KCNIP4: variants seen among roughly 807,000 people sequenced by gnomAD.
KCNIP4 encodes potassium voltage-gated channel interacting protein 4.
KCNIP4 carries 12 observed loss-of-function variants against 34.0 expected under a neutral mutation model. The observed-to-expected ratio is 0.35, with a 90% CI of 0.23 to 0.57. KCNIP4 has a LOEUF of 0.57. KCNIP4 is among the 20% of genes least tolerant of loss of function. The pLI is 0.83. For synonymous variants in KCNIP4, 124 were observed against 102.2 expected (o/e 1.21, Z -1.29); for missense variants, 238 against 311.7 (o/e 0.76, Z 1.78).
chr4:20,753,101 A>G (rs777242969), intron 4 of KCNIP4, among the ~76,000 whole-genome samples: 12 of 152,220 alleles, frequency 7.9e-5, no homozygotes, highest in Non-Finnish European at 1.6e-4. Context: ...TTGAGATTTT[A>G]TAGTTGAGCA....
intron 1 of KCNIP4, among the ~76,000 whole-genome samples, chr4:21,423,024 T>A (rs1423522382): frequency 6.6e-6 from 1 of 152,168 alleles, no homozygotes; most frequent in Non-Finnish European, 1.5e-5. Context: ...CCCAACTTTA[T>A]CTCAGTAGGC....
At chr4:21,507,647 C>T (rs1220279799) in intron 1 of KCNIP4, among the ~76,000 whole-genome samples, 1 of 152,156 alleles carries the variant, frequency 6.6e-6, no homozygotes, top group Non-Finnish European at 1.5e-5. Flanking sequence ...GAGACAAATA[C>T]AGTACTGCTC....
chr4:21,948,705 G>A lies in KCNIP4; in HGVS notation c.-74C>T, dbSNP rs1730642748. On this transcript the variant is annotated 5_prime_UTR_variant, in exon 1 of 9. Coordinates refer to ENST00000382152, the MANE Select transcript of KCNIP4 (RefSeq NM_025221.6). Reference sequence around the variant, plus strand: ...GGGGCGTCTGTCCACGGGTCTGCACGGGAGCGCACCGCCGCTCGGCCCGGG... The same window carrying A: ...GGGGCGTCTGTCCACGGGTCTGCACAGGAGCGCACCGCCGCTCGGCCCGGG... 2.0e-6 allele frequency: 3 copies of A among 1,464,136 alleles called. No individual in the cohort carries two copies. Among genetic ancestry groups the A allele is most frequent in the African/African-American group, 1.4e-5 (1 of 70,268 alleles). The allele number at this position is 1,464,136 out of a possible 1,614,324, so 90.7% of individuals were successfully genotyped here.
intron 1 of KCNIP4, among the ~76,000 whole-genome samples, chr4:21,411,319 T>C (rs1322322181): frequency 1.3e-5 from 2 of 152,110 alleles, no homozygotes; most frequent in African/African-American, 4.8e-5. Flanking sequence ...TTTTAGATAG[T>C]GAGGGCCATT....
chr4:21,676,490 A>G (rs1455861811), intron 1 of KCNIP4, among the ~76,000 whole-genome samples: 2 of 152,178 alleles, frequency 1.3e-5, no homozygotes, highest in East Asian at 3.9e-4. Context: ...CTTTCCTCCC[A>G]TTGCAGCAGA....
intron 1 of KCNIP4, among the ~76,000 whole-genome samples, chr4:21,830,439 C>T (rs1258242594): frequency 6.6e-6 from 1 of 151,964 alleles, no homozygotes; most frequent in African/African-American, 2.4e-5. Context: ...CTTTGGGAGG[C>T]CGAGGCGGGC....
rs147639567 is a variant in KCNIP4 at position 21,078,890 on chromosome 4, G to C, written c.62-196181C>G. Among the ~76,000 whole-genome samples the C allele has an allele frequency of 3.3e-3, 496 of 152,192 alleles. 2 individuals are homozygous for C. Among genetic ancestry groups the C allele is most frequent in the African/African-American group, 0.011 (453 of 41,552 alleles). On this transcript the variant is annotated intron_variant, in intron 1 of 8. Coordinates refer to ENST00000382152, the MANE Select transcript of KCNIP4 (RefSeq NM_025221.6). ...TTTATTTGGTTGTTCAAACTGGGGA[G>C]AGTGACTCTTCTGTCTAGAAACAGC...
chr4:20,893,199 G>A (rs1321189346), intron 1 of KCNIP4, among the ~76,000 whole-genome samples: 1 of 152,166 alleles, frequency 6.6e-6, no homozygotes, highest in East Asian at 1.9e-4. Context: ...TGTAAACAAT[G>A]TAAATAATGC....
intron 1 of KCNIP4, among the ~76,000 whole-genome samples, chr4:21,270,392 G>GT (rs1560236962): frequency 7.1e-6 from 1 of 140,446 alleles, no homozygotes; most frequent in African/African-American, 2.6e-5. Flanking sequence ...GACTCGAGGA[G>GT]TGCTGCTGAG....
In KCNIP4 at chr4:21,370,653, G is replaced by A. The variant is rs891279027; in HGVS notation, c.62-487944C>T. 2.7e-4 allele frequency among the ~76,000 whole-genome samples: 38 copies of A among 140,966 alleles called. 3 individuals are homozygous for A. Among genetic ancestry groups the A allele is most frequent in the African/African-American group, 7.9e-4 (26 of 32,740 alleles). The allele number at this position is 140,966 out of a possible 152,430, so 92.5% of individuals were successfully genotyped here. A position where few individuals can be genotyped will look rare whatever the true frequency, so the allele number is the denominator to read the frequency against. Reference sequence around the variant, plus strand: ...AGGCTTAGCCAAGAAGATGATATGCGGACATATAAGCTCTGAAGCGCTGAG... The same window carrying A: ...AGGCTTAGCCAAGAAGATGATATGCAGACATATAAGCTCTGAAGCGCTGAG... On this transcript the variant is annotated intron_variant, in intron 1 of 8. Coordinates refer to ENST00000382152, the MANE Select transcript of KCNIP4 (RefSeq NM_025221.6).
intron 1 of KCNIP4, among the ~76,000 whole-genome samples, chr4:21,080,075 GA>G (rs1745868094): frequency 6.6e-6 from 1 of 151,860 alleles, no homozygotes; most frequent in South Asian, 2.1e-4. Context: ...GCAGTAACAG[GA>G]AACAAATACA....
At chr4:21,388,524 A>G (rs959659243) in intron 1 of KCNIP4, among the ~76,000 whole-genome samples, 5 of 152,154 alleles carry the variant, frequency 3.3e-5, no homozygotes, top group African/African-American at 1.2e-4. Flanking sequence ...AACATATCAT[A>G]TAATTTAACC....
At chr4:21,340,050 T>G (rs891403110) in intron 1 of KCNIP4, among the ~76,000 whole-genome samples, 3 of 152,180 alleles carry the variant, frequency 2.0e-5, no homozygotes, top group African/African-American at 7.2e-5. Context: ...TAGGCACTAT[T>G]TTCCCTACTT....
At chr4:21,769,171 G>T (rs1479767889) in intron 1 of KCNIP4, among the ~76,000 whole-genome samples, 4 of 139,096 alleles carry the variant, frequency 2.9e-5, no homozygotes, top group African/African-American at 1.4e-4. Context: ...CTCCTTTTAA[G>T]TATTTTAAAA....
rs143980969 is a variant in KCNIP4 at position 21,661,428 on chromosome 4, A to G, written c.61+287143T>C. Among the ~76,000 whole-genome samples the G allele has an allele frequency of 5.8e-4, 89 of 152,210 alleles. 1 individual carries two copies. The East Asian group carries it at 9.3e-3, about 16-fold the overall frequency. ...CACTGTAGCACTCCTGGACACTGCC[A>G]TGGGTCTGGAGCCCAAAAGTGCTCA... On this transcript the variant is annotated intron_variant, in intron 1 of 8. Transcript: ENST00000382152.
rs144006919 is a variant in KCNIP4 at position 21,887,362 on chromosome 4, T to G, written c.61+61209A>C. On this transcript the variant is annotated intron_variant, in intron 1 of 8. Transcript: ENST00000382152. ...TCACTTGGAGGGGCGCAGAAAGAGTTAGCTCTCTGGTATCTTCTTACAAGG... is the reference window on the plus strand; with the variant it reads ...TCACTTGGAGGGGCGCAGAAAGAGTGAGCTCTCTGGTATCTTCTTACAAGG... Among the ~76,000 whole-genome samples the G allele has an allele frequency of 2.6e-3, 391 of 152,202 alleles. 1 individual carries two copies. The highest frequency in any genetic ancestry group is 9.1e-3 in the African/African-American group (379 of 41,542).
chr4:21,172,432 T>C (rs1034243714), intron 1 of KCNIP4, among the ~76,000 whole-genome samples: 1 of 152,192 alleles, frequency 6.6e-6, no homozygotes, highest in Non-Finnish European at 1.5e-5. Flanking sequence ...AATTATGTTA[T>C]AGGATTGCCT....
intron 1 of KCNIP4, among the ~76,000 whole-genome samples, chr4:20,959,162 T>C (rs1427938589): frequency 6.6e-6 from 1 of 152,088 alleles, no homozygotes; most frequent in Non-Finnish European, 1.5e-5. Context: ...TATCCAAGAG[T>C]AGCATAAGAG....
At chr4:21,833,941 A>T (rs1723158409) in intron 1 of KCNIP4, among the ~76,000 whole-genome samples, 1 of 151,956 alleles carries the variant, frequency 6.6e-6, no homozygotes, top group East Asian at 1.9e-4. Context: ...GTTCTGTTCC[A>T]TTGATCTATA....
Sources: allele counts gnomAD v4.1 joint callset (sites outside exome capture counted in the v4.1 genomes callset), GRCh38; gene constraint gnomAD v4.1.1; transcripts MANE v1.5; gene names NCBI Gene and HGNC (gene_info 2026-07-23, HGNC 2026-07-21).